The following PPIP5K1 variants were observed in gnomAD, a reference collection of about 807,000 sequenced individuals.
PPIP5K1 encodes the protein inositol hexakisphosphate and diphosphoinositol-pentakisphosphate kinase 1.
A neutral mutation model predicts 27.7 loss-of-function variants in PPIP5K1; 6 were observed. The observed-to-expected ratio is 0.22, with a 90% CI of 0.12 to 0.43. The LOEUF (loss-of-function observed/expected upper bound fraction) is 0.43, where lower values mean the gene tolerates loss of function less well. Among genes scored for constraint, PPIP5K1 ranks in the 20% least tolerant of loss-of-function variants. The probability of loss-of-function intolerance (pLI) is 1.00; values close to 1 mark genes in which losing one functional copy is unlikely to be tolerated. For synonymous variants in PPIP5K1, 145 were observed against 242.6 expected (o/e 0.60, Z 3.74); for missense variants, 394 against 635.4 (o/e 0.62, Z 4.08).
chr15:43,559,204 T>C (rs1363766381), intron 29 of PPIP5K1, among the ~76,000 whole-genome samples: 2 of 152,154 alleles, frequency 1.3e-5, no homozygotes, highest in Non-Finnish European at 2.9e-5. Context: ...CAATGTCTCA[T>C]GGAAAAATAA....
At chr15:43,542,647 A>AGTGTGTGTGTGTGTGTGT (rs56361192) in intron 30 of PPIP5K1, among the ~76,000 whole-genome samples, 5 of 121,364 alleles carry the variant, frequency 4.1e-5, no homozygotes, top group Non-Finnish European at 6.9e-5. Context: ...ATATATATTC[A>AGTGTGTGTGTGTGTGTGT]GTGTGTGTGT....
intron 30 of PPIP5K1, among the ~76,000 whole-genome samples, chr15:43,552,535 A>AG (rs1458094741): frequency 2.0e-5 from 3 of 148,732 alleles, no homozygotes; most frequent in South Asian, 2.1e-4. Flanking sequence ...CTATAAAAAA[A>AG]AAAAAAAAAA....
At position 43,534,523 on chromosome 15, in the gene PPIP5K1, A is replaced by G; in HGVS notation, c.*151T>C. 1.4e-6 allele frequency: 1 copy of G among 698,692 alleles called. No individual in the cohort carries two copies. Among genetic ancestry groups the G allele is most frequent in the South Asian group, 2.5e-5 (1 of 39,868 alleles). 43.3% of individuals were successfully genotyped at this position (698,692 alleles called of 1,614,324 possible). On this transcript the variant is annotated 3_prime_UTR_variant, in exon 32 of 32. Transcript: ENST00000420765. Reference sequence around the variant, plus strand: ...GGTATAGTGTGATACCACTAATGAGAAAATTAATCACATGTTGCTGGTGGA... The same window carrying G: ...GGTATAGTGTGATACCACTAATGAGGAAATTAATCACATGTTGCTGGTGGA...
At chr15:43,546,110 A>T (rs1293651997) in intron 30 of PPIP5K1, among the ~76,000 whole-genome samples, 1 of 151,734 alleles carries the variant, frequency 6.6e-6, no homozygotes, top group African/African-American at 2.4e-5. Context: ...CTTATTCTGG[A>T]TATTTCATAT....
At chr15:43,539,640 T>C (rs1595707306) in intron 30 of PPIP5K1, 57 bp from the exon 31 acceptor site, 76 of 952,468 alleles carry the variant, frequency 8.0e-5, no homozygotes, top group Non-Finnish European at 1.1e-4. Flanking sequence ...TGAGGAAGAA[T>C]CCAGGAGCCA....
chr15:43,542,100 C>G (rs1190876627), intron 30 of PPIP5K1, among the ~76,000 whole-genome samples: 1 of 152,158 alleles, frequency 6.6e-6, no homozygotes, highest in Admixed American at 6.5e-5. Flanking sequence ...GTCTAGTTCT[C>G]CACCATCAAC....
chr15:43,550,322 T>A (rs115941379), intron 30 of PPIP5K1, among the ~76,000 whole-genome samples: 3,960 of 151,976 alleles, frequency 0.026, 119 homozygotes, highest in African/African-American at 0.073. Flanking sequence ...TTATTTATTT[T>A]TTTTGTAGAG....
chr15:43,542,406 C>G (rs947164037), intron 30 of PPIP5K1, among the ~76,000 whole-genome samples: 1 of 151,340 alleles, frequency 6.6e-6, no homozygotes, highest in Admixed American at 6.6e-5. Context: ...ATCCTCCAAC[C>G]TCAGCTTCCT....
intron 30 of PPIP5K1, among the ~76,000 whole-genome samples, chr15:43,540,861 C>CAAAAA (rs34085400): frequency 2.0e-4 from 15 of 73,702 alleles, no homozygotes; most frequent in East Asian, 3.4e-4. Context: ...GACTCTGTCT[C>CAAAAA]AAAAAAAAAA....
At chr15:43,542,307 G>A (rs972274115) in intron 30 of PPIP5K1, among the ~76,000 whole-genome samples, 7 of 151,326 alleles carry the variant, frequency 4.6e-5, no homozygotes, top group South Asian at 2.1e-4. Flanking sequence ...TTGGCGGGGG[G>A]GGGGGGCAGA....
Position 43,572,887 on chromosome 15 carries a change from CAA to C in PPIP5K1, c.2566-13_2566-12del. 2.5e-6 allele frequency: 1 copy of C among 392,278 alleles called. No individual in the cohort carries two copies. 24.3% of individuals were successfully genotyped at this position (392,278 alleles called of 1,614,324 possible). On this transcript the variant is annotated splice_polypyrimidine_tract_variant and intron_variant, in intron 22 of 31. Coordinates refer to ENST00000420765, the MANE Select transcript of PPIP5K1 (RefSeq NM_001394395.1). ...TGCATCCTGGGTCTCCTACCAAATG[CAA>C]AAAGAGGTAAGCCATTGCTTAAGGA...
intron 30 of PPIP5K1, among the ~76,000 whole-genome samples, chr15:43,546,882 CTCCTGTGCTCAAGTGA>C (rs1261322718): frequency 2.6e-5 from 4 of 152,094 alleles, no homozygotes; most frequent in Admixed American, 2.6e-4. Flanking sequence ...TGGTCTTGAA[CTCCTGTGCTCAAGTGA>C]TCCGCCCACC....
intron 30 of PPIP5K1, among the ~76,000 whole-genome samples, chr15:43,557,542 C>G (rs1173614004): frequency 6.6e-6 from 1 of 152,108 alleles, no homozygotes; most frequent in East Asian, 1.9e-4. Flanking sequence ...CTGCAATAAG[C>G]TACGACTGCA....
chr15:43,540,078 C>T (rs1297878408), intron 30 of PPIP5K1, among the ~76,000 whole-genome samples: 1 of 151,878 alleles, frequency 6.6e-6, no homozygotes, highest in Admixed American at 6.6e-5. Context: ...CACAGCAAAA[C>T]CCCATTTCTA....
intron 30 of PPIP5K1, among the ~76,000 whole-genome samples, chr15:43,553,041 A>C (rs1173030770): frequency 1.3e-5 from 2 of 152,364 alleles, no homozygotes; most frequent in East Asian, 3.9e-4. Context: ...GTTTCAAAAA[A>C]ATAAAAAAGA....
At chr15:43,581,423 G>GCT in intron 8 of PPIP5K1, 35 bp from the exon 9 acceptor site, 4 of 1,287,706 alleles carry the variant, frequency 3.1e-6, no homozygotes, top group Non-Finnish European at 4.4e-6. Context: ...TATGCCCACA[G>GCT]CTCACCCTGT....
rs1297143627 is a variant in PPIP5K1, at chr15:43,534,814, C to A, written c.4333G>T (p.Val1445Leu). 5 of 1,608,782 alleles carry A rather than the reference C, an allele frequency of 3.1e-6. No individual in the cohort carries two copies. Among genetic ancestry groups the A allele is most frequent in the African/African-American group, 1.3e-5 (1 of 74,820 alleles). ...TCCTGGGCCAGCCTGCCAACCTCCA[C>A]AGAGAACTCCTGGTATGGCTGGATG... ...EVIQPYQEFS[V>L]EVGRLAQETS... Residue 1445 changes from valine (V) to leucine (L), a missense_variant, in exon 32 of 32, where the codon GTG (valine) becomes TTG (leucine). Around this residue, in one of 4 missense-constraint regions of PPIP5K1, gnomAD observed 379 missense variants for 423.9 expected, o/e 0.89. Transcript: ENST00000420765.
intron 30 of PPIP5K1, among the ~76,000 whole-genome samples, chr15:43,551,749 C>A (rs918502439): frequency 2.0e-5 from 3 of 148,946 alleles, no homozygotes; most frequent in Non-Finnish European, 4.5e-5. Flanking sequence ...ACTACAGGCG[C>A]CCGCCACTAC....
intron 30 of PPIP5K1, among the ~76,000 whole-genome samples, chr15:43,558,462 G>C (rs1202687275): frequency 6.6e-6 from 1 of 152,052 alleles, no homozygotes; most frequent in African/African-American, 2.4e-5. Context: ...ACTTGACCTC[G>C]TGATCCACCC....
Sources: allele counts gnomAD v4.1 joint callset (sites outside exome capture counted in the v4.1 genomes callset), GRCh38; gene constraint gnomAD v4.1.1; regional missense constraint gnomAD v4.1.1; transcripts MANE v1.5; gene names NCBI Gene and HGNC (gene_info 2026-07-23, HGNC 2026-07-21).